Variants in LRRC37A3 observed in about 807,000 individuals in gnomAD.
LRRC37A3 encodes the protein leucine-rich repeat-containing protein 37A3.
LRRC37A3 carries 25 observed loss-of-function variants against 106.2 expected under a neutral mutation model. That is an observed-to-expected ratio of 0.24 (90% CI 0.17 to 0.33). LRRC37A3 has a LOEUF of 0.33. LRRC37A3 is among the 10% of genes least tolerant of loss of function. The probability of loss-of-function intolerance (pLI) is 1.00; values close to 1 mark genes in which losing one functional copy is unlikely to be tolerated. For missense variants in LRRC37A3, 712 were observed against 1,644.9 expected (o/e 0.43, Z 9.81); for synonymous variants, 305 against 635.8 (o/e 0.48, Z 7.83).
chr17:64,854,845 A>T (rs1046738086), intron 14 of LRRC37A3, among the ~76,000 whole-genome samples: 1 of 152,158 alleles, frequency 6.6e-6, no homozygotes, highest in Non-Finnish European at 1.5e-5. Flanking sequence ...AGAGGTTTGT[A>T]CATATCTTTA....
intron 8 of LRRC37A3, among the ~76,000 whole-genome samples, chr17:64,876,459 A>T (rs1179378306): frequency 6.6e-6 from 1 of 152,222 alleles, no homozygotes; most frequent in African/African-American, 2.4e-5. Context: ...TGCTAGGATG[A>T]CAGGTGTGAG....
At chr17:64,873,401 ACCTCAG>A (rs954332851) in intron 8 of LRRC37A3, among the ~76,000 whole-genome samples, 1 of 152,094 alleles carries the variant, frequency 6.6e-6, no homozygotes, top group African/African-American at 2.4e-5. Context: ...CTCAGCCTCA[ACCTCAG>A]CCTCAGCCTC....
Position 64,859,994 on chromosome 17 carries a change from T to C in LRRC37A3, c.4152A>G (p.Glu1384=), listed in dbSNP as rs2143376396. 1.9e-6 allele frequency: 3 copies of C among 1,613,724 alleles called. No homozygotes were observed. Among genetic ancestry groups the C allele is most frequent in the African/African-American group, 2.7e-5 (2 of 75,016 alleles). Residue 1384 remains glutamate (E), a synonymous_variant, in exon 12 of 15, where the codon GAA becomes GAG. Transcript: ENST00000584306. The stretch of plus-strand genomic sequence containing the variant: ...CAGTTGTGTCTTTTGTATTATTGTT[T>C]TCTATAAAATGTTCTGAAGGAGCAG... ...EVSAPSEHFI[E]NNNTKDTTAR...
chr17:64,913,336 G>GTTTTT, intron 2 of LRRC37A3, among the ~76,000 whole-genome samples: 1 of 125,506 alleles, frequency 8.0e-6, no homozygotes, highest in South Asian at 2.3e-4. Context: ...GCCTATTTTG[G>GTTTTT]GTTTTTTTTT....
intron 8 of LRRC37A3, among the ~76,000 whole-genome samples, chr17:64,870,378 T>G (rs1425430932): frequency 6.6e-6 from 1 of 152,208 alleles, no homozygotes; most frequent in Admixed American, 6.5e-5. Flanking sequence ...TGCAAATTTT[T>G]ATTCCAAAAT....
In LRRC37A3 at chr17:64,860,408, A is replaced by G; in HGVS notation, c.3738T>C (p.Ser1246=). The G allele has an allele frequency of 6.2e-7, 1 of 1,613,974 alleles. No individual in the cohort carries two copies. Among genetic ancestry groups the G allele is most frequent in the Middle Eastern group, 1.7e-4 (1 of 6,056 alleles). The part of the protein sequence containing the change: ...SFTQEHKAAV[S]VLKPFSKGAP... ...CGCCCTTGGAGAAGGGTTTCAGCAC[A>G]GAGACTGCTGCCTTATGCTCTTGGG... is the stretch of plus-strand genomic sequence containing the variant. The change falls in exon 12 of 15, where the codon TCT becomes TCC. Residue 1246 remains serine (S), a synonymous_variant. Transcript: ENST00000584306.
At chr17:64,916,335 G>A (rs1003604585) in intron 2 of LRRC37A3, among the ~76,000 whole-genome samples, 12 of 151,812 alleles carry the variant, frequency 7.9e-5, no homozygotes, top group African/African-American at 2.9e-4. Context: ...AACCCGGGAG[G>A]GGGAGCTTGC....
intron 8 of LRRC37A3, chr17:64,881,143 C>A: frequency 1.4e-6 from 1 of 700,976 alleles, no homozygotes; most frequent in Non-Finnish European, 2.6e-6. Context: ...CTCCCCACAC[C>A]AAGCTCCTCC....
chr17:64,879,584 AT>A (rs1598412975), intron 8 of LRRC37A3, among the ~76,000 whole-genome samples: 1 of 152,184 alleles, frequency 6.6e-6, no homozygotes, highest in East Asian at 1.9e-4. Context: ...CAATAAGATG[AT>A]GTTACAAAGA....
chr17:64,876,275 CG>C (rs1973512378), intron 8 of LRRC37A3, among the ~76,000 whole-genome samples: 3 of 152,174 alleles, frequency 2.0e-5, no homozygotes, highest in Admixed American at 2.0e-4. Context: ...CCCAATCTCC[CG>C]GGCTCAAGTG....
chr17:64,862,153 T>C (rs1972898512), intron 11 of LRRC37A3, among the ~76,000 whole-genome samples: 1 of 151,922 alleles, frequency 6.6e-6, no homozygotes, highest in Non-Finnish European at 1.5e-5. Context: ...TGACTTTATG[T>C]AACCAAGCAT....
rs776329463 is a variant in LRRC37A3, at chr17:64,868,449, A to G, written c.3053+13T>C. On this transcript the variant is annotated intron_variant, in intron 10 of 14. Transcript: ENST00000584306. Reference sequence around the variant, plus strand: ...AACTACGTAAAAATAAATCTCGGAAAAAAATAACTTACAGTTTTTCCAGTT... The same window carrying G: ...AACTACGTAAAAATAAATCTCGGAAGAAAATAACTTACAGTTTTTCCAGTT... The G allele has an allele frequency of 8.7e-6, 14 of 1,610,240 alleles. No individual in the cohort carries two copies. The highest frequency in any genetic ancestry group is 1.1e-5 in the Non-Finnish European group (13 of 1,178,998).
chr17:64,873,220 T>C (rs910037028), intron 8 of LRRC37A3, among the ~76,000 whole-genome samples: 1 of 149,666 alleles, frequency 6.7e-6, no homozygotes, highest in Admixed American at 6.7e-5. Context: ...TTAACAAACA[T>C]TTATGAAAGA....
chr17:64,904,239 G>C (rs1378526613), intron 2 of LRRC37A3, among the ~76,000 whole-genome samples: 1 of 152,256 alleles, frequency 6.6e-6, no homozygotes, highest in African/African-American at 2.4e-5. Context: ...CAGCACCTTG[G>C]GATCCTGGGG....
Position 64,877,289 on chromosome 17 carries a change from C to T in LRRC37A3, c.2907-8123G>A, listed in dbSNP as rs141334060. 5.7e-3 allele frequency among the ~76,000 whole-genome samples: 870 copies of T among 152,262 alleles called. 9 individuals carry two copies. Among genetic ancestry groups the T allele is most frequent in the African/African-American group, 0.02 (834 of 41,534 alleles). On this transcript the variant is annotated intron_variant, in intron 8 of 14. Coordinates refer to ENST00000584306, the MANE Select transcript of LRRC37A3 (RefSeq NM_199340.5). The stretch of plus-strand genomic sequence containing the variant: ...TGACCTCGGCTTACTGCAACCTCCA[C>T]CTCCCGGGTTCAAGTGATTCTCCTA...
At chr17:64,871,836 G>A (rs1359634754) in intron 8 of LRRC37A3, 1 of 152,102 alleles carries the variant, frequency 6.6e-6, no homozygotes, top group African/African-American at 2.4e-5. Flanking sequence ...TGAAAATGGT[G>A]GAATAAAGAC....
chr17:64,910,684 G>A (rs1974570371), intron 2 of LRRC37A3, among the ~76,000 whole-genome samples: 1 of 116,820 alleles, frequency 8.6e-6, no homozygotes, highest in Admixed American at 1.2e-4. Flanking sequence ...TTGCTCTGTC[G>A]ACCAGGCTGG....
At chr17:64,882,541 C>T (rs1258390586) in intron 8 of LRRC37A3, among the ~76,000 whole-genome samples, 4 of 152,230 alleles carry the variant, frequency 2.6e-5, no homozygotes, top group South Asian at 2.1e-4. Flanking sequence ...TGCACCTCTC[C>T]GAATCAGAGA....
chr17:64,865,692 G>T (rs1973044785), intron 10 of LRRC37A3, among the ~76,000 whole-genome samples: 1 of 152,134 alleles, frequency 6.6e-6, no homozygotes, highest in Non-Finnish European at 1.5e-5. Context: ...TCAGTGTGCA[G>T]CCCCTAAGAA....
Sources: gnomAD v4.1 joint callset for allele counts (sites outside exome capture counted in the v4.1 genomes callset) on GRCh38, gnomAD v4.1.1 for gene constraint, MANE v1.5 for transcripts, NCBI Gene and HGNC (gene_info 2026-07-23, HGNC 2026-07-21) for gene names.